Variants in SLC35F4 observed in about 807,000 individuals in gnomAD.
The protein encoded by SLC35F4 is solute carrier family 35 member F4, also known as chromosome 14 open reading frame 36.
Under a neutral mutation model 44.2 loss-of-function variants are expected in SLC35F4, and 24 were observed. The observed-to-expected ratio is 0.54, with a 90% CI of 0.39 to 0.76. SLC35F4 has a LOEUF of 0.76. Among genes scored for constraint, SLC35F4 ranks in the 30% least tolerant of loss-of-function variants. The probability of loss-of-function intolerance (pLI) is 0.00; values close to 1 mark genes in which losing one functional copy is unlikely to be tolerated. For missense variants in SLC35F4, 562 were observed against 586.1 expected (o/e 0.96, Z 0.42); for synonymous variants, 238 against 223.6 (o/e 1.06, Z -0.57).
intron 1 of SLC35F4, among the ~76,000 whole-genome samples, chr14:57,843,214 C>G (rs1057447928): frequency 1.3e-5 from 2 of 152,086 alleles, no homozygotes; most frequent in African/African-American, 4.8e-5. Flanking sequence ...TAATAAACTC[C>G]CTTTCATATA....
At chr14:57,857,506 A>G (rs748479308) in intron 1 of SLC35F4, among the ~76,000 whole-genome samples, 1 of 152,028 alleles carries the variant, frequency 6.6e-6, no homozygotes, top group Non-Finnish European at 1.5e-5. Context: ...TCTGTGTGAA[A>G]ATAATTATCT....
At chr14:57,594,749 G>A (rs1397642860) in intron 1 of SLC35F4, among the ~76,000 whole-genome samples, 1 of 152,116 alleles carries the variant, frequency 6.6e-6, no homozygotes, top group Admixed American at 6.6e-5. Flanking sequence ...CCAACAAACT[G>A]ACTATACACT....
chr14:57,600,830 GT>G (rs959582697), intron 1 of SLC35F4, among the ~76,000 whole-genome samples: 1 of 151,320 alleles, frequency 6.6e-6, no homozygotes, highest in African/African-American at 2.4e-5. Context: ...TTTCCTTGTA[GT>G]AGTATCATTT....
intron 1 of SLC35F4, among the ~76,000 whole-genome samples, chr14:57,971,531 T>C (rs2747089): frequency 0.98 from 149,069 of 152,352 alleles, 72,945 homozygotes; most frequent in East Asian, 1. Flanking sequence ...GAGAACTTAA[T>C]CCAAGCTGAT....
At chr14:57,691,530 T>C (rs2075230623) in intron 1 of SLC35F4, among the ~76,000 whole-genome samples, 1 of 152,210 alleles carries the variant, frequency 6.6e-6, no homozygotes, top group African/African-American at 2.4e-5. Flanking sequence ...AACTGAAGCT[T>C]ATACTGGCTA....
intron 1 of SLC35F4, among the ~76,000 whole-genome samples, chr14:57,907,202 C>T (rs1404654836): frequency 1.3e-5 from 2 of 152,186 alleles, no homozygotes; most frequent in Non-Finnish European, 2.9e-5. Context: ...TGATCATTAA[C>T]ATTTCTTTGG....
intron 1 of SLC35F4, among the ~76,000 whole-genome samples, chr14:57,743,393 A>G (rs997056441): frequency 5.9e-5 from 9 of 152,220 alleles, no homozygotes; most frequent in Admixed American, 3.9e-4. Flanking sequence ...TAAAGGGGAT[A>G]TCACCACCAA....
chr14:57,587,086 C>CAGTT (rs1288328953), intron 3 of SLC35F4, among the ~76,000 whole-genome samples: 2 of 152,130 alleles, frequency 1.3e-5, no homozygotes, highest in African/African-American at 4.8e-5. Context: ...CATCTCAGGC[C>CAGTT]AGTTAGAATG....
chr14:57,677,667 A>AT (rs1239102335), intron 1 of SLC35F4, among the ~76,000 whole-genome samples: 1 of 152,060 alleles, frequency 6.6e-6, no homozygotes, highest in Non-Finnish European at 1.5e-5. Context: ...ATGACTAATG[A>AT]TTTTTTAAAC....
intron 1 of SLC35F4, among the ~76,000 whole-genome samples, chr14:57,595,333 G>T (rs113663207): frequency 1.3e-4 from 20 of 152,198 alleles, no homozygotes; most frequent in African/African-American, 4.8e-4. Context: ...TATAGTATCA[G>T]TCATGACATG....
intron 1 of SLC35F4, among the ~76,000 whole-genome samples, chr14:57,856,754 C>T (rs559117816): frequency 6.6e-6 from 1 of 152,084 alleles, no homozygotes; most frequent in Admixed American, 6.5e-5. Context: ...ACAAATCTTA[C>T]TCTCAGGGTA....
intron 1 of SLC35F4, among the ~76,000 whole-genome samples, chr14:57,635,192 G>A (rs1387648184): frequency 6.7e-6 from 1 of 149,000 alleles, no homozygotes; most frequent in Non-Finnish European, 1.5e-5. Context: ...GCTGCAGTGA[G>A]TTATGATCAT....
At chr14:57,823,637 G>A (rs1188012467) in intron 1 of SLC35F4, among the ~76,000 whole-genome samples, 1 of 152,132 alleles carries the variant, frequency 6.6e-6, no homozygotes, top group African/African-American at 2.4e-5. Context: ...CTGGCTCTAT[G>A]ATGTTAAAAG....
chr14:57,874,462 C>T lies in SLC35F4; in HGVS notation n.282+107451G>A, dbSNP rs10129765. ...AGCCTAGGATCACTTTCTCAAAGTA[C>T]GAGCAAGGCACAAACACTCAAGATA... On this transcript the variant is annotated intron_variant and non_coding_transcript_variant, in intron 1 of 1. Transcript: ENST00000556568. 5.0e-3 allele frequency among the ~76,000 whole-genome samples: 755 copies of T among 152,248 alleles called. 6 individuals are homozygous for T. The highest frequency in any genetic ancestry group is 0.017 in the African/African-American group (720 of 41,540).
intron 1 of SLC35F4, among the ~76,000 whole-genome samples, chr14:57,667,695 T>C (rs1227951698): frequency 6.6e-6 from 1 of 151,884 alleles, no homozygotes; most frequent in Admixed American, 6.6e-5. Flanking sequence ...GAGTATTCCA[T>C]GGTGTATATG....
chr14:57,664,595 GAGA>G (rs2074246198), intron 1 of SLC35F4, among the ~76,000 whole-genome samples: 2 of 152,194 alleles, frequency 1.3e-5, no homozygotes, highest in South Asian at 4.2e-4. Flanking sequence ...ATTTTTAGTA[GAGA>G]AGGAGTCTCA....
At chr14:57,792,190 C>A (rs1423817792) in intron 1 of SLC35F4, among the ~76,000 whole-genome samples, 1 of 151,880 alleles carries the variant, frequency 6.6e-6, no homozygotes. Flanking sequence ...CAGGGAAATG[C>A]AAATCAAAAT....
At chr14:57,789,417 A>T (rs1179012577) in intron 1 of SLC35F4, among the ~76,000 whole-genome samples, 3 of 152,228 alleles carry the variant, frequency 2.0e-5, no homozygotes, top group African/African-American at 7.2e-5. Flanking sequence ...AAATTCCTGG[A>T]CACATACACC....
chr14:57,827,510 T>A (rs1883914715), intron 1 of SLC35F4, among the ~76,000 whole-genome samples: 1 of 152,148 alleles, frequency 6.6e-6, no homozygotes, highest in Non-Finnish European at 1.5e-5. Context: ...GAACTTAAAA[T>A]AATATTAAAT....
Sources: gnomAD v4.1 joint callset for allele counts (sites outside exome capture counted in the v4.1 genomes callset) on GRCh38, gnomAD v4.1.1 for gene constraint, MANE v1.5 for transcripts, NCBI Gene and HGNC (gene_info 2026-07-23, HGNC 2026-07-21) for gene names.